C12orf42: variants seen among roughly 807,000 people sequenced by gnomAD.
C12orf42 encodes the protein chromosome 12 open reading frame 42.
A neutral mutation model predicts 21.6 loss-of-function variants in C12orf42; 25 were observed. That is an observed-to-expected ratio of 1.16 (90% CI 0.84 to 1.62). The LOEUF (loss-of-function observed/expected upper bound fraction) is 1.62, where lower values mean the gene tolerates loss of function less well. Ranked by LOEUF, C12orf42 falls within the 40% of genes most tolerant of loss-of-function variation. The pLI is 0.00. For missense variants in C12orf42, 483 were observed against 459.3 expected (o/e 1.05, Z -0.47); for synonymous variants, 174 against 175.0 (o/e 0.99, Z 0.05).
At chr12:103,425,595 CCTGA>C (rs1313332680) in intron 2 of C12orf42, among the ~76,000 whole-genome samples, 5 of 152,092 alleles carry the variant, frequency 3.3e-5, no homozygotes, top group African/African-American at 9.7e-5. Flanking sequence ...AGCAGAGGGG[CCTGA>C]CTGTTAGAAG....
chr12:103,141,165 G>A, the C12orf42 span, among the ~76,000 whole-genome samples: 1 of 152,054 alleles, frequency 6.6e-6, no homozygotes, highest in East Asian at 1.9e-4. Context: ...TTTTAGCAGT[G>A]ACCTATAACA....
intron 3 of C12orf42, among the ~76,000 whole-genome samples, chr12:103,394,834 G>T (rs1411185701): frequency 6.6e-6 from 1 of 152,180 alleles, no homozygotes; most frequent in Non-Finnish European, 1.5e-5. Flanking sequence ...CCAGTGTGGG[G>T]CTACATGCTG....
At chr12:103,108,269 T>C in the C12orf42 span, among the ~76,000 whole-genome samples, 1 of 151,820 alleles carries the variant, frequency 6.6e-6, no homozygotes, top group East Asian at 1.9e-4. Flanking sequence ...ATATAAGATG[T>C]TTTAGAAAAG....
the C12orf42 span, among the ~76,000 whole-genome samples, chr12:103,507,143 A>G: frequency 5.0e-5 from 1 of 20,094 alleles, no homozygotes; most frequent in Non-Finnish European, 6.8e-5. Context: ...TATTATATAT[A>G]TAATATAAAT....
At chr12:103,405,855 T>A (rs188543040) in intron 2 of C12orf42, among the ~76,000 whole-genome samples, 6 of 152,308 alleles carry the variant, frequency 3.9e-5, no homozygotes, top group Admixed American at 6.5e-5. Context: ...AAGATGATAA[T>A]CATTTTCTAT....
At chr12:103,205,394 C>T in the C12orf42 span, among the ~76,000 whole-genome samples, 1 of 152,244 alleles carries the variant, frequency 6.6e-6, no homozygotes, top group East Asian at 1.9e-4. Flanking sequence ...TGGTGGCAGG[C>T]AAGAGAGCAT....
At chr12:103,199,062 T>C in the C12orf42 span, among the ~76,000 whole-genome samples, 1 of 152,206 alleles carries the variant, frequency 6.6e-6, no homozygotes, top group Non-Finnish European at 1.5e-5. Flanking sequence ...TTTCAAAATA[T>C]ATTATAAAAC....
chr12:103,396,709 A>C (rs1276030240), intron 3 of C12orf42: 1 of 152,246 alleles, frequency 6.6e-6, no homozygotes, highest in African/African-American at 2.4e-5. Flanking sequence ...ACCTGAAAGA[A>C]GGTGCATTGT....
chr12:103,203,160 C>T, the C12orf42 span, among the ~76,000 whole-genome samples: 1 of 152,144 alleles, frequency 6.6e-6, no homozygotes. Context: ...CCCCATTTGT[C>T]AAGATGTGGT....
the C12orf42 span, among the ~76,000 whole-genome samples, chr12:103,216,844 T>C: frequency 1.3e-5 from 2 of 151,850 alleles, no homozygotes; most frequent in Non-Finnish European, 2.9e-5. Context: ...AATTTCTTTT[T>C]CTCTCTTTCT....
chr12:103,245,671 T>A (rs951636437), intron 10 of C12orf42, among the ~76,000 whole-genome samples: 6 of 152,102 alleles, frequency 3.9e-5, no homozygotes, highest in African/African-American at 1.4e-4. Context: ...GGCCAAAAAA[T>A]TCTTAATTTG....
chr12:103,435,720 G>A (rs1215557604), intron 2 of C12orf42, among the ~76,000 whole-genome samples: 1 of 151,640 alleles, frequency 6.6e-6, no homozygotes, highest in Non-Finnish European at 1.5e-5. Flanking sequence ...AAAAAGAAAT[G>A]AGCAAAGCCT....
At chr12:103,368,226 T>C (rs961235723) in intron 4 of C12orf42, 4 of 453,294 alleles carry the variant, frequency 8.8e-6, no homozygotes, top group African/African-American at 6.1e-5. Flanking sequence ...TGATGTTCTT[T>C]TGCTTGTCCT....
intron 2 of C12orf42, among the ~76,000 whole-genome samples, chr12:103,409,822 A>G (rs1404333075): frequency 6.6e-6 from 1 of 152,118 alleles, no homozygotes; most frequent in Non-Finnish European, 1.5e-5. Context: ...TTATTTTCTA[A>G]ATTTTGTAAT....
the C12orf42 span, among the ~76,000 whole-genome samples, chr12:103,542,490 TG>T: frequency 6.6e-6 from 1 of 152,212 alleles, no homozygotes; most frequent in South Asian, 2.1e-4. Flanking sequence ...AAGTCTTGCC[TG>T]GGGGCAATGC....
At chr12:103,486,752 G>T (rs1247558518) in intron 1 of C12orf42, among the ~76,000 whole-genome samples, 1 of 152,140 alleles carries the variant, frequency 6.6e-6, no homozygotes, top group African/African-American at 2.4e-5. Context: ...TTGTGTAGAG[G>T]TGTTTACAGT....
chr12:103,462,646 A>G (rs1019797960), intron 2 of C12orf42, among the ~76,000 whole-genome samples: 4 of 152,178 alleles, frequency 2.6e-5, no homozygotes, highest in Non-Finnish European at 4.4e-5. Context: ...CATTGGAGAA[A>G]TGTATCATTT....
At chr12:103,387,036 G>A (rs190964828) in intron 3 of C12orf42, among the ~76,000 whole-genome samples, 4 of 152,272 alleles carry the variant, frequency 2.6e-5, no homozygotes, top group South Asian at 4.2e-4. Context: ...ATCTGGAACC[G>A]CTTTGACCAT....
At chr12:103,216,375 C>CTT in the C12orf42 span, among the ~76,000 whole-genome samples, 36 of 143,362 alleles carry the variant, frequency 2.5e-4, no homozygotes, top group African/African-American at 4.3e-4. Context: ...ACTTTTTTTT[C>CTT]TTTTTTTTTT....
Sources: allele counts gnomAD v4.1 joint callset (sites outside exome capture counted in the v4.1 genomes callset), GRCh38; gene constraint gnomAD v4.1.1; transcripts MANE v1.5; gene names NCBI Gene and HGNC (gene_info 2026-07-23, HGNC 2026-07-21).